EZH2: variants seen among roughly 807,000 people sequenced by gnomAD.
EZH2 encodes the protein histone-lysine N-methyltransferase EZH2.
Under a neutral mutation model 98.4 loss-of-function variants are expected in EZH2, and 18 were observed. The observed-to-expected ratio is 0.18, with a 90% confidence interval of 0.13 to 0.27. The LOEUF (loss-of-function observed/expected upper bound fraction) is 0.27. Ranked by LOEUF, EZH2 falls within the 10% of genes least tolerant of loss-of-function variation. EZH2 has a pLI of 1.00. For synonymous variants in EZH2, 338 were observed against 312.3 expected, an observed-to-expected ratio of 1.08 and a Z score of -0.87; for missense variants, 470 against 935.1, an observed-to-expected ratio of 0.50 and a Z score of 6.49.
At chr7:148,871,067 A>G (rs1819301135) in intron 1 of EZH2, among the ~76,000 whole-genome samples, 1 of 152,224 alleles carries the variant, frequency 6.6e-6, no homozygotes, top group Admixed American at 6.5e-5. Context: ...CAATAAATTC[A>G]AAAGTAAAAT....
intron 3 of EZH2, among the ~76,000 whole-genome samples, chr7:148,834,378 CACACAT>C (rs144409366): frequency 0.013 from 1,654 of 131,218 alleles, 33 homozygotes; most frequent in African/African-American, 0.046. Context: ...CACACACACA[CACACAT>C]ATTAAATGTT....
chr7:148,816,831 C>CATT, intron 11 of EZH2, 53 bp from the exon 12 acceptor site: 1 of 1,277,230 alleles, frequency 7.8e-7, no homozygotes, highest in Non-Finnish European at 1.1e-6. Flanking sequence ...TTAGGCAAAC[C>CATT]ATTCTTATAC....
At chr7:148,814,383 C>T (rs1429667446) in intron 14 of EZH2, among the ~76,000 whole-genome samples, 4 of 152,048 alleles carry the variant, frequency 2.6e-5, no homozygotes, top group African/African-American at 7.2e-5. Flanking sequence ...TATTTAAAGT[C>T]GGTGTGAATA....
At chr7:148,813,745 C>A (rs1218659294) in intron 15 of EZH2, among the ~76,000 whole-genome samples, 1 of 152,060 alleles carries the variant, frequency 6.6e-6, no homozygotes, top group Admixed American at 6.6e-5. Context: ...TTGCTGGTTT[C>A]TCCTACTATC....
chr7:148,839,536 G>A (rs1414781390), intron 3 of EZH2, among the ~76,000 whole-genome samples: 1 of 147,952 alleles, frequency 6.8e-6, no homozygotes, highest in Non-Finnish European at 1.5e-5. Context: ...ATGGGGGGGG[G>A]GCAATCTGCA....
Position 148,807,479 on chromosome 7 carries a change from A to C in EZH2, c.*167T>G. ...ACAAAACACTTTGCAGCTGGTGAGA[A>C]GGCAATAAAAAGTTGATTTTTAAAC... On this transcript the variant is annotated 3_prime_UTR_variant, in exon 20 of 20. Coordinates refer to ENST00000320356, the MANE Select transcript of EZH2 (RefSeq NM_004456.5). The C allele has an allele frequency of 1.6e-6, 1 of 617,292 alleles. No individual in the cohort carries two copies. Among genetic ancestry groups the C allele is most frequent in the East Asian group, 2.8e-5 (1 of 36,108 alleles). 38.2% of individuals were successfully genotyped at this position (617,292 alleles called of 1,614,324 possible).
chr7:148,863,928 T>C (rs1454336882), intron 1 of EZH2, among the ~76,000 whole-genome samples: 2 of 152,220 alleles, frequency 1.3e-5, no homozygotes, highest in African/African-American at 4.8e-5. Flanking sequence ...GGATTACATG[T>C]ACATGAAAGT....
At chr7:148,827,062 G>A in intron 7 of EZH2, 102 bp downstream of exon 7, 1 of 811,410 alleles carries the variant, frequency 1.2e-6, no homozygotes. Context: ...TGTAAACAAA[G>A]TGTAGTGGCT....
At chr7:148,821,745 G>A (rs77490746) in intron 8 of EZH2, among the ~76,000 whole-genome samples, 1 of 152,362 alleles carries the variant, frequency 6.6e-6, no homozygotes, top group African/African-American at 2.4e-5. Flanking sequence ...AGAAGAGCTT[G>A]AGCTCAGGAA....
intron 1 of EZH2, among the ~76,000 whole-genome samples, chr7:148,866,609 A>G (rs1256004360): frequency 6.9e-6 from 1 of 144,476 alleles, no homozygotes; most frequent in East Asian, 2.0e-4. Context: ...TATATTATAT[A>G]TAATATATAT....
intron 1 of EZH2, among the ~76,000 whole-genome samples, chr7:148,873,340 A>C (rs1360748842): frequency 6.6e-6 from 1 of 151,896 alleles, no homozygotes; most frequent in Non-Finnish European, 1.5e-5. Context: ...AAAAATACAA[A>C]AACTAGCCGG....
intron 1 of EZH2, among the ~76,000 whole-genome samples, chr7:148,868,831 C>CA (rs1367856566): frequency 1.3e-5 from 2 of 151,916 alleles, no homozygotes; most frequent in Non-Finnish European, 2.9e-5. Flanking sequence ...CTAAGGCACC[C>CA]AATAAGAAAT....
At chr7:148,834,328 G>GA (rs1281679931) in intron 3 of EZH2, among the ~76,000 whole-genome samples, 2 of 139,550 alleles carry the variant, frequency 1.4e-5, no homozygotes, top group Non-Finnish European at 3.0e-5. Flanking sequence ...AAATGAAACT[G>GA]AAAAATCATT....
chr7:148,821,731 T>A (rs527459403), intron 8 of EZH2, among the ~76,000 whole-genome samples: 1 of 152,166 alleles, frequency 6.6e-6, no homozygotes, highest in Non-Finnish European at 1.5e-5. Context: ...GAAGCTGAGA[T>A]AGGAGAAGAG....
intron 15 of EZH2, 95 bp downstream of exon 15, chr7:148,813,864 T>C: frequency 7.6e-7 from 1 of 1,321,566 alleles, no homozygotes; most frequent in South Asian, 1.4e-5. Flanking sequence ...TCACTTTTAC[T>C]TTTTGCCCCA....
chr7:148,866,610 TAATA>T (rs895343477), intron 1 of EZH2, among the ~76,000 whole-genome samples: 3 of 144,578 alleles, frequency 2.1e-5, no homozygotes, highest in Admixed American at 6.9e-5. Context: ...ATATTATATA[TAATA>T]TATATGCATA....
Position 148,825,225 on chromosome 7 carries a change from T to G in EZH2, c.907+1229A>C, listed in dbSNP as rs149325210. Among the ~76,000 whole-genome samples the G allele has an allele frequency of 4.0e-3, 607 of 152,248 alleles. 2 individuals carry two copies. The highest frequency in any genetic ancestry group is 0.014 in the African/African-American group (570 of 41,524). On this transcript the variant is annotated intron_variant, in intron 8 of 19. Coordinates refer to ENST00000320356, the MANE Select transcript of EZH2 (RefSeq NM_004456.5). ...ATGTAATTCATAAATTCATGGTGTG[T>G]AAAGGGAAATTAAAATGAAATTCAA...
At chr7:148,813,865 T>G (rs1803847256) in intron 15 of EZH2, 94 bp downstream of exon 15, 2 of 1,330,336 alleles carry the variant, frequency 1.5e-6, no homozygotes, top group Non-Finnish European at 2.1e-6. Flanking sequence ...CACTTTTACT[T>G]TTTGCCCCAG....
chr7:148,858,174 C>T (rs1461122919), intron 1 of EZH2, among the ~76,000 whole-genome samples: 3 of 151,822 alleles, frequency 2.0e-5, no homozygotes, highest in Non-Finnish European at 4.4e-5. Context: ...CACCTGTAGT[C>T]CCAGCTACTC....
Sources: gnomAD v4.1 joint callset for allele counts (sites outside exome capture counted in the v4.1 genomes callset) on GRCh38, gnomAD v4.1.1 for gene constraint, MANE v1.5 for transcripts, NCBI Gene and HGNC (gene_info 2026-07-23, HGNC 2026-07-21) for gene names.